Variants in KIAA1549L observed in about 807,000 individuals in gnomAD.
KIAA1549L encodes the protein KIAA1549 like, also known as UPF0606 protein KIAA1549L.
In KIAA1549L, 88 loss-of-function variants were observed where a neutral mutation model predicts 160.7. The ratio of observed to expected loss-of-function variants is 0.55; its 90% CI spans 0.46 to 0.65. The LOEUF is 0.65. Among genes scored for constraint, KIAA1549L ranks in the 30% least tolerant of loss-of-function variants. The probability of loss-of-function intolerance (pLI) is 0.00; values close to 1 mark genes in which losing one functional copy is unlikely to be tolerated. For missense variants in KIAA1549L, 2,258 were observed against 2,437.5 expected, an observed-to-expected ratio of 0.93 and a Z score of 1.55; for synonymous variants, 950 against 976.7, an observed-to-expected ratio of 0.97 and a Z score of 0.51.
At chr11:33,658,683 C>A in intron 18 of KIAA1549L, 67 bp from the exon 19 acceptor site, 2 of 1,514,000 alleles carry the variant, frequency 1.3e-6, no homozygotes, top group Non-Finnish European at 1.8e-6. Flanking sequence ...ACGGGGCGCA[C>A]TCCTCCTGCT....
intron 1 of KIAA1549L, among the ~76,000 whole-genome samples, chr11:33,378,577 A>T (rs1003989008): frequency 2.6e-5 from 4 of 152,124 alleles, no homozygotes; most frequent in African/African-American, 9.7e-5. Context: ...AAAATAATTA[A>T]AAGTTGATGT....
intron 18 of KIAA1549L, 66 bp downstream of exon 18, chr11:33,656,175 C>A: frequency 8.1e-7 from 1 of 1,229,264 alleles, no homozygotes; most frequent in Non-Finnish European, 1.2e-6. Context: ...TGTACCCTGA[C>A]CTGACAACAG....
intron 16 of KIAA1549L, among the ~76,000 whole-genome samples, chr11:33,619,346 T>G (rs1462435844): frequency 6.6e-6 from 1 of 152,226 alleles, no homozygotes; most frequent in Non-Finnish European, 1.5e-5. Context: ...TGATCTTGAA[T>G]CTACACCTAG....
intron 1 of KIAA1549L, among the ~76,000 whole-genome samples, chr11:33,424,517 C>A (rs1851080197): frequency 6.6e-6 from 1 of 152,130 alleles, no homozygotes; most frequent in Non-Finnish European, 1.5e-5. Flanking sequence ...TGTAAAAATA[C>A]AGCATTGACA....
At chr11:33,494,193 C>A (rs1852761010) in intron 1 of KIAA1549L, among the ~76,000 whole-genome samples, 1 of 152,130 alleles carries the variant, frequency 6.6e-6, no homozygotes, top group Non-Finnish European at 1.5e-5. Flanking sequence ...TTTTTTGTGA[C>A]ACATGACCCT....
At chr11:33,378,321 C>T (rs1214407111) in intron 1 of KIAA1549L, among the ~76,000 whole-genome samples, 1 of 152,184 alleles carries the variant, frequency 6.6e-6, no homozygotes, top group Non-Finnish European at 1.5e-5. Flanking sequence ...CTTGTTCAGC[C>T]TGATGTTGGG....
chr11:33,405,055 GATAAA>G (rs920420937), intron 1 of KIAA1549L, among the ~76,000 whole-genome samples: 4 of 148,924 alleles, frequency 2.7e-5, no homozygotes, highest in Admixed American at 6.7e-5. Flanking sequence ...AAAAAAGTCA[GATAAA>G]ATAACCCAGA....
At chr11:33,620,908 T>G (rs758775082) in intron 16 of KIAA1549L, among the ~76,000 whole-genome samples, 8 of 152,216 alleles carry the variant, frequency 5.3e-5, no homozygotes, top group Non-Finnish European at 1.0e-4. Context: ...AAGCTCTTGA[T>G]TTTCTAAAAT....
chr11:33,474,086 T>C (rs760167785), intron 1 of KIAA1549L, among the ~76,000 whole-genome samples: 7 of 152,146 alleles, frequency 4.6e-5, no homozygotes, highest in Non-Finnish European at 1.0e-4. Context: ...AACAACCAGC[T>C]GTCTCCTGCA....
At chr11:33,630,608 C>T (rs556629994) in intron 16 of KIAA1549L, among the ~76,000 whole-genome samples, 17 of 152,246 alleles carry the variant, frequency 1.1e-4, no homozygotes, top group East Asian at 1.9e-4. Context: ...TTGCGCTTCC[C>T]GAGTGAGGCA....
intron 1 of KIAA1549L, among the ~76,000 whole-genome samples, chr11:33,385,456 T>C (rs1009575153): frequency 5.3e-5 from 8 of 152,234 alleles, no homozygotes; most frequent in African/African-American, 1.9e-4. Flanking sequence ...GTAACTCCCC[T>C]CACTCTTAGT....
Position 33,669,187 on chromosome 11 carries a change from G to C in KIAA1549L, c.*1033G>C, listed in dbSNP as rs758894826. The C allele has an allele frequency of 6.6e-6, 1 of 152,212 alleles. No homozygotes were observed. The highest frequency in any genetic ancestry group is 1.5e-5 in the Non-Finnish European group (1 of 68,044). 9.4% of individuals were successfully genotyped at this position (152,212 alleles called of 1,614,324 possible). ...GCAGCCTCTGTTTATAGAAGCTTCTGAATGTAGAAAAGCTGTTGAATTTCA... is the reference window on the plus strand; with the variant it reads ...GCAGCCTCTGTTTATAGAAGCTTCTCAATGTAGAAAAGCTGTTGAATTTCA... On this transcript the variant is annotated 3_prime_UTR_variant, in exon 21 of 21. Coordinates refer to ENST00000658780, the MANE Select transcript of KIAA1549L (RefSeq NM_012194.3).
intron 19 of KIAA1549L, among the ~76,000 whole-genome samples, chr11:33,659,784 G>A (rs1372449733): frequency 2.6e-5 from 4 of 152,230 alleles, no homozygotes; most frequent in Admixed American, 2.6e-4. Context: ...TGGCAGGTCA[G>A]GGGTGTTGGG....
chr11:33,542,450 A>G lies in KIAA1549L; in HGVS notation c.887A>G (p.Asp296Gly). The G allele has an allele frequency of 6.2e-7, 1 of 1,606,756 alleles. No individual in the cohort carries two copies. Among genetic ancestry groups the G allele is most frequent in the South Asian group, 1.1e-5 (1 of 89,748 alleles). Reference sequence around the variant, plus strand: ...GCTAATCCCTTAATCCCATTTTCTGATGAAATGGACCACACTGCATCCCAA... The same window carrying G: ...GCTAATCCCTTAATCCCATTTTCTGGTGAAATGGACCACACTGCATCCCAA... ...NIANPLIPFS[D>G]EMDHTASQNA... Residue 296 changes from aspartate (D) to glycine (G), a missense_variant, in exon 2 of 21, where the codon GAT (aspartate) becomes GGT (glycine). Coordinates refer to ENST00000658780, the MANE Select transcript of KIAA1549L (RefSeq NM_012194.3).
intron 1 of KIAA1549L, among the ~76,000 whole-genome samples, chr11:33,455,258 G>A (rs909327358): frequency 1.3e-5 from 2 of 152,224 alleles, no homozygotes; most frequent in African/African-American, 4.8e-5. Context: ...TTAGAACTGT[G>A]CTGTCCAGAA....
intron 1 of KIAA1549L, among the ~76,000 whole-genome samples, chr11:33,396,880 G>A (rs539565877): frequency 9.0e-4 from 136 of 151,282 alleles, no homozygotes; most frequent in African/African-American, 3.1e-3. Flanking sequence ...AACCTGGGAG[G>A]CAGAGGTTGC....
At chr11:33,403,428 C>G (rs375713353) in intron 1 of KIAA1549L, 4 of 100,038 alleles carry the variant, frequency 4.0e-5, no homozygotes, top group African/African-American at 6.7e-5. Context: ...CAGACACGCA[C>G]ACAGAGACAT....
chr11:33,602,582 A>G (rs1850393064), intron 13 of KIAA1549L, among the ~76,000 whole-genome samples: 1 of 152,256 alleles, frequency 6.6e-6, no homozygotes, highest in South Asian at 2.1e-4. Flanking sequence ...TACTGAAATT[A>G]AAAACAACAG....
chr11:33,629,433 C>T (rs1343802891), intron 16 of KIAA1549L, among the ~76,000 whole-genome samples: 5 of 152,184 alleles, frequency 3.3e-5, no homozygotes, highest in East Asian at 1.9e-4. Context: ...ACCAATCAGA[C>T]GTACATTTGG....
Sources: allele counts gnomAD v4.1 joint callset (sites outside exome capture counted in the v4.1 genomes callset), GRCh38; gene constraint gnomAD v4.1.1; transcripts MANE v1.5; gene names NCBI Gene and HGNC (gene_info 2026-07-23, HGNC 2026-07-21).